TP63: variants seen among roughly 807,000 people sequenced by gnomAD.
TP63 encodes the protein tumor protein 63.
TP63 carries 17 observed loss-of-function variants against 82.8 expected under a neutral mutation model. The observed-to-expected ratio is 0.21, with a 90% CI of 0.14 to 0.31. The LOEUF (loss-of-function observed/expected upper bound fraction) is 0.31, where lower values mean the gene tolerates loss of function less well. Among genes scored for constraint, TP63 ranks in the 10% least tolerant of loss-of-function variants. The pLI, the probability that TP63 is intolerant of heterozygous loss-of-function variation, is 1.00. For synonymous variants in TP63, 330 were observed against 321.7 expected (o/e 1.03, Z -0.28); for missense variants, 648 against 895.3 (o/e 0.72, Z 3.52).
At chr3:189,811,466 G>A (rs1476052412) in intron 4 of TP63, among the ~76,000 whole-genome samples, 2 of 151,994 alleles carry the variant, frequency 1.3e-5, no homozygotes, top group Non-Finnish European at 2.9e-5. Flanking sequence ...TCACAACCAG[G>A]CTTATTTCAG....
intron 10 of TP63, chr3:189,881,295 A>T: frequency 1.0e-6 from 1 of 985,294 alleles, no homozygotes; most frequent in Non-Finnish European, 1.2e-6. Flanking sequence ...AAGTTTAGAG[A>T]ATCTCTGTTT....
intron 3 of TP63, among the ~76,000 whole-genome samples, chr3:189,749,808 A>G (rs181384136): frequency 4.6e-5 from 7 of 152,294 alleles, no homozygotes; most frequent in Admixed American, 3.9e-4. Context: ...TATATACACA[A>G]TGGAATACTA....
At chr3:189,844,318 C>G (rs146637789) in intron 4 of TP63, 2 of 401,380 alleles carry the variant, frequency 5.0e-6, no homozygotes, top group African/African-American at 2.1e-5. Context: ...ATTACAGGCA[C>G]GCGCCACCAC....
At chr3:189,701,512 GATATATATACAT>G (rs1455414192) in intron 1 of TP63, among the ~76,000 whole-genome samples, 19 of 103,216 alleles carry the variant, frequency 1.8e-4, no homozygotes, top group Admixed American at 3.1e-4. Flanking sequence ...AATGTGAGGA[GATATATATACAT>G]ATATATATAT....
At chr3:189,679,970 G>A (rs921651197) in intron 1 of TP63, among the ~76,000 whole-genome samples, 1 of 151,998 alleles carries the variant, frequency 6.6e-6, no homozygotes, top group African/African-American at 2.4e-5. Context: ...GTTCCATTTG[G>A]TATACATGTT....
At chr3:189,733,918 C>A (rs1246917244) in intron 1 of TP63, among the ~76,000 whole-genome samples, 2 of 151,992 alleles carry the variant, frequency 1.3e-5, no homozygotes, top group Non-Finnish European at 2.9e-5. Flanking sequence ...ATTATAGGGA[C>A]CTCCTTAATT....
At chr3:189,831,096 T>C (rs1034481606) in intron 4 of TP63, among the ~76,000 whole-genome samples, 4 of 152,192 alleles carry the variant, frequency 2.6e-5, no homozygotes, top group African/African-American at 9.7e-5. Flanking sequence ...CCAGTGCCAA[T>C]GCTGCCAACT....
rs565939172 is a variant in TP63 at position 189,752,634 on chromosome 3, C to G, written c.324+13860C>G. 3.9e-5 allele frequency among the ~76,000 whole-genome samples: 6 copies of G among 152,032 alleles called. No homozygotes were observed. The East Asian group carries it at 1.2e-3, about 29-fold the overall frequency. Reference sequence around the variant, plus strand: ...AGAACTTGGTCAGCTTATCGGTTTCCCTGTTTTTCTCTCTTTCCATTTTCA... The same window carrying G: ...AGAACTTGGTCAGCTTATCGGTTTCGCTGTTTTTCTCTCTTTCCATTTTCA... On this transcript the variant is annotated intron_variant, in intron 3 of 13. Coordinates refer to ENST00000264731, the MANE Select transcript of TP63 (RefSeq NM_003722.5).
chr3:189,859,741 C>G (rs971435571), intron 4 of TP63, among the ~76,000 whole-genome samples: 4 of 151,982 alleles, frequency 2.6e-5, no homozygotes. Context: ...CATGAACGTT[C>G]ATAATAGTTT....
chr3:189,701,698 G>A (rs1297522105), intron 1 of TP63, among the ~76,000 whole-genome samples: 1 of 151,712 alleles, frequency 6.6e-6, no homozygotes, highest in African/African-American at 2.4e-5. Context: ...ATGCAAAGAG[G>A]CCTAGAGTTA....
chr3:189,662,396 G>C (rs565431903), intron 1 of TP63, among the ~76,000 whole-genome samples: 3 of 151,986 alleles, frequency 2.0e-5, no homozygotes, highest in Non-Finnish European at 4.4e-5. Flanking sequence ...TCTTGGTATT[G>C]ATTTCTACTT....
At chr3:189,830,757 G>T (rs898944664) in intron 4 of TP63, among the ~76,000 whole-genome samples, 1 of 152,058 alleles carries the variant, frequency 6.6e-6, no homozygotes, top group Non-Finnish European at 1.5e-5. Flanking sequence ...ATTAATATGT[G>T]ACGCAAGAAA....
chr3:189,830,197 T>C (rs894807868), intron 4 of TP63, among the ~76,000 whole-genome samples: 9 of 152,188 alleles, frequency 5.9e-5, no homozygotes, highest in African/African-American at 2.2e-4. Context: ...AGAATCTGTC[T>C]AGTGAAAAAA....
rs766080130 is a variant in TP63 at position 189,868,589 on chromosome 3, C to A, written c.1002C>A (p.Val334=). The change falls in exon 8 of 14, where the codon GTC becomes GTA. Residue 334 remains valine (V), a synonymous_variant. Transcript: ENST00000264731. ...IVTLETRDGQ[V]LGRRCFEARI... ...TTATTCTAATTCCTAGTGGGCAAGT[C>A]CTGGGCCGACGCTGCTTTGAGGCCC... 1.2e-5 allele frequency: 19 copies of A among 1,614,030 alleles called. No homozygotes were observed. In the South Asian group the frequency reaches 2.0e-4, roughly 17 times the overall value.
intron 1 of TP63, among the ~76,000 whole-genome samples, chr3:189,637,930 T>C (rs1226615598): frequency 6.6e-6 from 1 of 152,012 alleles, no homozygotes; most frequent in Non-Finnish European, 1.5e-5. Context: ...GAAAGTGACA[T>C]GTTGTAAAAA....
chr3:189,780,990 C>CCTAT (rs1488936370), intron 3 of TP63, among the ~76,000 whole-genome samples: 1 of 152,054 alleles, frequency 6.6e-6, no homozygotes, highest in Non-Finnish European at 1.5e-5. Context: ...AAAGCAGTTG[C>CCTAT]ATAGTGAGGG....
chr3:189,751,624 A>C (rs536471644), intron 3 of TP63, among the ~76,000 whole-genome samples: 3 of 152,244 alleles, frequency 2.0e-5, no homozygotes, highest in Admixed American at 6.5e-5. Context: ...TCTTCTTTTG[A>C]GAAGTGTCTG....
chr3:189,882,240 C>T (rs938201435), intron 10 of TP63, among the ~76,000 whole-genome samples: 16 of 151,814 alleles, frequency 1.1e-4, no homozygotes, highest in African/African-American at 3.6e-4. Context: ...TTCTTTCAGC[C>T]TTTTTTAAGT....
At position 189,858,277 on chromosome 3, in the gene TP63, C is replaced by CTCAT. The variant is rs1278758901; in HGVS notation, c.580-5955_580-5954insTCAT. On this transcript the variant is annotated intron_variant, in intron 4 of 13. Transcript: ENST00000264731. ...AAAATTAGCCGGGCGAGGTGGCGGGCGCCTGTAGTCCCAGCTACTCGGGAG... is the reference window on the plus strand; with the variant it reads ...AAAATTAGCCGGGCGAGGTGGCGGGCTCATGCCTGTAGTCCCAGCTACTCGGGAG... Among the ~76,000 whole-genome samples the CTCAT allele has an allele frequency of 3.2e-4, 19 of 60,264 alleles. 6 individuals are homozygous for CTCAT. Among genetic ancestry groups the CTCAT allele is most frequent in the African/African-American group, 7.1e-4 (8 of 11,304 alleles). The allele number at this position is 60,264 out of a possible 152,430, so 39.5% of individuals were successfully genotyped here.
Sources: allele counts gnomAD v4.1 joint callset (sites outside exome capture counted in the v4.1 genomes callset), GRCh38; gene constraint gnomAD v4.1.1; transcripts MANE v1.5; gene names NCBI Gene and HGNC (gene_info 2026-07-23, HGNC 2026-07-21).